The following GNL2 variants were observed in gnomAD, a reference collection of about 807,000 sequenced individuals.
GNL2 encodes nucleolar GTP-binding protein 2.
A neutral mutation model predicts 92.3 loss-of-function variants in GNL2; 51 were observed. The observed-to-expected ratio is 0.55, with a 90% CI of 0.44 to 0.70. GNL2 has a LOEUF of 0.70. GNL2 is among the 30% of genes least tolerant of loss of function. The pLI is 0.00. For synonymous variants in GNL2, 283 were observed against 300.6 expected (o/e 0.94, Z 0.61); for missense variants, 844 against 895.6 (o/e 0.94, Z 0.74).
chr1:37,568,865 C>CT lies in GNL2; in HGVS notation c.1853dup (p.Phe619ValfsTer12). Reference sequence around the variant, plus strand: ...GAAAATATTACCTGACTGCTGAAAACTTTTTGGCTTTGGCTTTGTCTAGAA... The same window carrying CT: ...GAAAATATTACCTGACTGCTGAAAACTTTTTTGGCTTTGGCTTTGTCTAGAA... On this transcript the variant is annotated frameshift_variant, in exon 13 of 16. Transcript: ENST00000373062. LOFTEE classifies it high-confidence loss of function. The CT allele has an allele frequency of 6.2e-7, 1 of 1,611,334 alleles. No individual in the cohort carries two copies. The highest frequency in any genetic ancestry group is 1.1e-5 in the South Asian group (1 of 90,504).
intron 4 of GNL2, among the ~76,000 whole-genome samples, chr1:37,589,561 T>C (rs1471338739): frequency 1.3e-5 from 2 of 152,172 alleles, no homozygotes; most frequent in African/African-American, 4.8e-5. Flanking sequence ...CCGCCTTGGC[T>C]TCCCAAAGTG....
At position 37,566,891 on chromosome 1, in the gene GNL2, C is replaced by G. The variant is rs372299112; in HGVS notation, c.2160G>C (p.Gln720His). 8.9e-5 allele frequency: 143 copies of G among 1,613,966 alleles called. 1 individual carries two copies. The highest frequency in any genetic ancestry group is 1.2e-4 in the Non-Finnish European group (138 of 1,179,998). Residue 720 changes from glutamine (Q) to histidine (H), a missense_variant, in exon 16 of 16, where the codon CAG (glutamine) becomes CAC (histidine). Transcript: ENST00000373062. ...NKKKTNDSEGQKHKRKKFRQK... is the reference protein window; with the variant it reads ...NKKKTNDSEGHKHKRKKFRQK... The stretch of plus-strand genomic sequence containing the variant: ...GTCTGAATTTTTTGCGTTTGTGTTT[C>G]TGTCCCTCTGAGTCATTGGTCTTCT...
At chr1:37,586,293 G>A (rs1643849739) in intron 5 of GNL2, among the ~76,000 whole-genome samples, 2 of 151,822 alleles carry the variant, frequency 1.3e-5, no homozygotes, top group South Asian at 2.1e-4. Context: ...TTTATTTTTT[G>A]TAGAGACAAG....
At position 37,574,685 on chromosome 1, in the gene GNL2, G is replaced by A. The variant is rs757597500; in HGVS notation, c.1282C>T (p.Arg428Trp). 4.6e-5 allele frequency: 75 copies of A among 1,613,800 alleles called. No individual in the cohort carries two copies. Among genetic ancestry groups the A allele is most frequent in the Middle Eastern group, 1.7e-4 (1 of 5,910 alleles). ...AEDFLEKLAF[R>W]TGKLLKGGEP... Reference sequence around the variant, plus strand: ...GTCACCTTTAGTAACTTCCCAGTCCGGAAAGCGAGCTTCTCAAGAAAGTCC... The same window carrying A: ...GTCACCTTTAGTAACTTCCCAGTCCAGAAAGCGAGCTTCTCAAGAAAGTCC... The change falls in exon 11 of 16, where the codon CGG becomes TGG. Residue 428 changes from arginine (R) to tryptophan (W), a missense_variant. Arg to Trp is a moderately radical substitution (Grantham distance 101). Transcript: ENST00000373062.
intron 4 of GNL2, among the ~76,000 whole-genome samples, chr1:37,590,138 C>T (rs1227376391): frequency 1.3e-5 from 2 of 152,138 alleles, no homozygotes; most frequent in African/African-American, 4.8e-5. Flanking sequence ...CGGAGTTTCG[C>T]TCCTGTTGCC....
At chr1:37,576,395 T>A in intron 9 of GNL2, 33 bp downstream of exon 9, 1 of 1,597,624 alleles carries the variant, frequency 6.3e-7, no homozygotes, top group Non-Finnish European at 8.5e-7. Context: ...AAAGAAAATA[T>A]GCAAAAGTAA....
At chr1:37,595,676 C>T in intron 1 of GNL2, 83 bp downstream of exon 1, 4 of 1,169,326 alleles carry the variant, frequency 3.4e-6, no homozygotes, top group Non-Finnish European at 5.1e-6. Flanking sequence ...ACTCGAGTAA[C>T]CCTCCTTCCC....
chr1:37,583,610 A>T (rs1330945626), intron 6 of GNL2, among the ~76,000 whole-genome samples: 1 of 152,246 alleles, frequency 6.6e-6, no homozygotes, highest in Non-Finnish European at 1.5e-5. Flanking sequence ...AAATCTTAAA[A>T]AATACTGACA....
intron 5 of GNL2, among the ~76,000 whole-genome samples, chr1:37,585,402 T>TA (rs893622392): frequency 1.3e-5 from 2 of 151,814 alleles, no homozygotes; most frequent in African/African-American, 4.8e-5. Context: ...AACATTAAAC[T>TA]AAAAAAAAGC....
At chr1:37,590,099 G>A (rs886405672) in intron 4 of GNL2, among the ~76,000 whole-genome samples, 12 of 152,126 alleles carry the variant, frequency 7.9e-5, no homozygotes, top group South Asian at 2.1e-4. Flanking sequence ...CAAGGAGGTC[G>A]GTTATCTATA....
intron 7 of GNL2, 122 bp from the exon 8 acceptor site, chr1:37,582,458 C>T (rs1368590980): frequency 1.6e-6 from 1 of 615,106 alleles, no homozygotes; most frequent in Non-Finnish European, 2.8e-6. Flanking sequence ...AAAATGTTAG[C>T]TATAATTCTT....
At chr1:37,573,392 GT>G (rs1643624646) in intron 12 of GNL2, among the ~76,000 whole-genome samples, 1 of 152,236 alleles carries the variant, frequency 6.6e-6, no homozygotes, top group African/African-American at 2.4e-5. Flanking sequence ...TCTGAAAAAG[GT>G]CCTAGAACCA....
rs570649481 is a variant in GNL2 at position 37,590,700 on chromosome 1, T to C, written c.384+6A>G. On this transcript the variant is annotated splice_donor_region_variant and intron_variant, in intron 4 of 15. Transcript: ENST00000373062. ...ATTCCATCACCAGGGATATCCTACA[T>C]CTTACATGAGGCCGGATTCGATCAT... 2.5e-6 allele frequency: 4 copies of C among 1,612,368 alleles called. No homozygotes were observed. In the South Asian group the frequency reaches 4.4e-5, roughly 18 times the overall value.
At chr1:37,581,195 C>A in intron 8 of GNL2, 1 of 363,730 alleles carries the variant, frequency 2.7e-6, no homozygotes, top group South Asian at 2.1e-5. Context: ...TAAGCATGTA[C>A]TAAAAATATG....
At chr1:37,594,541 T>C (rs757310443) in intron 1 of GNL2, among the ~76,000 whole-genome samples, 4 of 152,146 alleles carry the variant, frequency 2.6e-5, no homozygotes, top group Non-Finnish European at 5.9e-5. Flanking sequence ...CATTTATTCA[T>C]TATTATTATC....
intron 1 of GNL2, 101 bp downstream of exon 1, chr1:37,595,657 AG>A: frequency 6.2e-6 from 6 of 965,560 alleles, no homozygotes; most frequent in Non-Finnish European, 9.9e-6. Flanking sequence ...AGTCATTCTA[AG>A]CAATGCCACT....
intron 13 of GNL2, chr1:37,568,567 T>G: frequency 3.3e-6 from 2 of 602,286 alleles, no homozygotes; most frequent in South Asian, 4.2e-5. Flanking sequence ...TTTACAAAAT[T>G]TACAGTTCAC....
At chr1:37,590,604 G>A in intron 4 of GNL2, 102 bp downstream of exon 4, 2 of 948,476 alleles carry the variant, frequency 2.1e-6, no homozygotes, top group Admixed American at 4.0e-5. Flanking sequence ...CTACATTAAA[G>A]TCACTATTTT....
intron 12 of GNL2, chr1:37,570,091 T>C (rs1037839540): frequency 2.0e-5 from 3 of 152,220 alleles, no homozygotes; most frequent in Admixed American, 6.5e-5. Flanking sequence ...TATTTCTTCA[T>C]AGCAGTATGA....
Sources: gnomAD v4.1 joint callset for allele counts (sites outside exome capture counted in the v4.1 genomes callset) on GRCh38, gnomAD v4.1.1 for gene constraint, MANE v1.5 for transcripts, NCBI Gene and HGNC (gene_info 2026-07-23, HGNC 2026-07-21) for gene names.